IQSEC1: variants seen among roughly 807,000 people sequenced by gnomAD.
IQSEC1 encodes IQ motif and Sec7 domain ArfGEF 1.
IQSEC1 carries 31 observed loss-of-function variants against 91.0 expected under a neutral mutation model. The ratio of observed to expected loss-of-function variants is 0.34; its 90% CI spans 0.26 to 0.46. The LOEUF (loss-of-function observed/expected upper bound fraction) is 0.46, where lower values mean the gene tolerates loss of function less well. Among genes scored for constraint, IQSEC1 ranks in the 20% least tolerant of loss-of-function variants. IQSEC1 has a pLI of 1.00. For synonymous variants in IQSEC1, 699 were observed against 662.6 expected, an observed-to-expected ratio of 1.05 and a Z score of -0.84; for missense variants, 1,388 against 1,575.6, an observed-to-expected ratio of 0.88 and a Z score of 2.02.
intron 3 of IQSEC1, among the ~76,000 whole-genome samples, chr3:12,933,222 G>C (rs1362633571): frequency 2.0e-5 from 3 of 152,244 alleles, no homozygotes; most frequent in Non-Finnish European, 4.4e-5. Context: ...AACGTGCCTA[G>C]CTAAGACCCA....
At chr3:13,269,527 C>G (rs1416187706) in intron 1 of IQSEC1, among the ~76,000 whole-genome samples, 1 of 152,216 alleles carries the variant, frequency 6.6e-6, no homozygotes, top group Non-Finnish European at 1.5e-5. Context: ...CAGGTCCCTG[C>G]CCAAGAAGCA....
chr3:13,266,162 C>T (rs533555941), intron 1 of IQSEC1, among the ~76,000 whole-genome samples: 4 of 152,280 alleles, frequency 2.6e-5, no homozygotes, highest in East Asian at 3.9e-4. Context: ...AACACTCCCC[C>T]GGAGCTCAGA....
rs1242396287 is a variant in IQSEC1, at chr3:12,904,830, C to T, written c.2756-2008G>A. The stretch of plus-strand genomic sequence containing the variant: ...CCTATAGCTTCTGACAGGACCTGGG[C>T]CAGCCCTGAAGGCTGGGGTTGGGGG... On this transcript the variant is annotated intron_variant, in intron 12 of 13. Transcript: ENST00000613206. Among the ~76,000 whole-genome samples the T allele has an allele frequency of 2.0e-5, 3 of 152,220 alleles. No homozygotes were observed. In the East Asian group the frequency reaches 5.8e-4, roughly 29 times the overall value.
chr3:13,165,309 C>T (rs1300125052), intron 1 of IQSEC1, among the ~76,000 whole-genome samples: 1 of 152,002 alleles, frequency 6.6e-6, no homozygotes, highest in Admixed American at 6.6e-5. Context: ...ATGGGAATGG[C>T]GCACAGACAC....
chr3:13,195,793 A>G (rs1277562038), intron 1 of IQSEC1, among the ~76,000 whole-genome samples: 1 of 152,202 alleles, frequency 6.6e-6, no homozygotes, highest in Non-Finnish European at 1.5e-5. Flanking sequence ...ACAAAACTGC[A>G]TAATCCTAAA....
At position 13,143,062 on chromosome 3, in the gene IQSEC1, C is replaced by G. The variant is rs576663421; in HGVS notation, c.302+21042G>C. 3.3e-5 allele frequency among the ~76,000 whole-genome samples: 5 copies of G among 152,374 alleles called. No individual in the cohort carries two copies. In the South Asian group the frequency reaches 1.0e-3, roughly 32 times the overall value. On this transcript the variant is annotated intron_variant, in intron 2 of 15. Transcript: ENST00000648114. ...ATGGATGCCCTCCACCCCATCCCGT[C>G]TCTTTCTTCATCTGGACTCATCTGA...
At chr3:12,920,810 C>T (rs778564800) in intron 5 of IQSEC1, among the ~76,000 whole-genome samples, 23 of 152,196 alleles carry the variant, frequency 1.5e-4, no homozygotes, top group South Asian at 2.1e-4. Context: ...GGCACATGGC[C>T]GTCCTGGGGA....
chr3:13,197,444 G>A (rs1457402545), intron 1 of IQSEC1, among the ~76,000 whole-genome samples: 1 of 152,134 alleles, frequency 6.6e-6, no homozygotes. Context: ...CCATCCTGAA[G>A]TGTCCCAGCA....
intron 1 of IQSEC1, among the ~76,000 whole-genome samples, chr3:13,174,176 A>C (rs111396574): frequency 2.4e-4 from 37 of 152,162 alleles, no homozygotes; most frequent in Non-Finnish European, 1.5e-4. Context: ...TTGTGCACAC[A>C]GAAGTAAGAA....
At chr3:13,003,357 C>T (rs1174516810) in intron 1 of IQSEC1, among the ~76,000 whole-genome samples, 3 of 149,698 alleles carry the variant, frequency 2.0e-5, no homozygotes, top group African/African-American at 4.9e-5. Context: ...AAAAACTTCA[C>T]GCTAAGTGAA....
chr3:13,194,896 T>A (rs1298035565), intron 1 of IQSEC1, among the ~76,000 whole-genome samples: 1 of 152,008 alleles, frequency 6.6e-6, no homozygotes, highest in Non-Finnish European at 1.5e-5. Flanking sequence ...ACAAAACCTT[T>A]AGAAAAATAC....
At chr3:13,110,947 C>A (rs1706235373) in intron 2 of IQSEC1, among the ~76,000 whole-genome samples, 1 of 152,164 alleles carries the variant, frequency 6.6e-6, no homozygotes, top group Admixed American at 6.5e-5. Context: ...AATTACCGCA[C>A]CAGCTGTCAC....
chr3:12,971,776 CA>C (rs1162794393), intron 1 of IQSEC1, among the ~76,000 whole-genome samples: 2 of 152,096 alleles, frequency 1.3e-5, no homozygotes, highest in Non-Finnish European at 2.9e-5. Context: ...TTTAAAAACC[CA>C]GTTATGGGCC....
chr3:13,266,682 C>G (rs566197130), intron 1 of IQSEC1, among the ~76,000 whole-genome samples: 1 of 152,176 alleles, frequency 6.6e-6, no homozygotes, highest in South Asian at 2.1e-4. Flanking sequence ...AAAAGCCAAC[C>G]CTCTCCAAGG....
intron 10 of IQSEC1, among the ~76,000 whole-genome samples, chr3:12,910,048 A>G (rs1211766329): frequency 1.3e-5 from 2 of 152,174 alleles, no homozygotes; most frequent in Admixed American, 6.5e-5. Flanking sequence ...TCCTGTGTGC[A>G]TATGTGTGCA....
intron 2 of IQSEC1, among the ~76,000 whole-genome samples, chr3:13,096,864 C>CTT (rs71066943): frequency 0.37 from 52,417 of 142,272 alleles, 10,146 homozygotes; most frequent in East Asian, 0.54. Context: ...TTCTTTCTTT[C>CTT]TTTTTTTTTT....
intron 1 of IQSEC1, among the ~76,000 whole-genome samples, chr3:13,055,313 G>A (rs1209507544): frequency 6.6e-6 from 1 of 152,172 alleles, no homozygotes; most frequent in African/African-American, 2.4e-5. Context: ...ACTTGTCTGG[G>A]CCTCAGTTTC....
intron 12 of IQSEC1, among the ~76,000 whole-genome samples, chr3:12,907,312 G>A (rs1401578064): frequency 6.6e-6 from 1 of 152,230 alleles, no homozygotes; most frequent in East Asian, 1.9e-4. Flanking sequence ...GGGAGGCAAG[G>A]CTGCTGACGG....
chr3:13,191,157 C>T (rs983120836), intron 1 of IQSEC1, among the ~76,000 whole-genome samples: 13 of 152,200 alleles, frequency 8.5e-5, no homozygotes, highest in African/African-American at 2.7e-4. Flanking sequence ...GACACTAAGA[C>T]GTGGGGCTTC....
Sources: allele counts gnomAD v4.1 joint callset (sites outside exome capture counted in the v4.1 genomes callset), GRCh38; gene constraint gnomAD v4.1.1; transcripts MANE v1.5; gene names NCBI Gene and HGNC (gene_info 2026-07-23, HGNC 2026-07-21).